FAM167A: variants seen among roughly 807,000 people sequenced by gnomAD.
FAM167A encodes family with sequence similarity 167 member A, also known as protein FAM167A.
A neutral mutation model predicts 14.9 loss-of-function variants in FAM167A; 23 were observed. That is an observed-to-expected ratio of 1.55 (90% confidence interval 1.11 to 2.19). The LOEUF is 2.19. Ranked by LOEUF, FAM167A falls within the 30% of genes most tolerant of loss-of-function variation. FAM167A has a pLI of 0.00. For synonymous variants in FAM167A, 174 were observed against 117.7 expected (o/e 1.48, Z -3.10); for missense variants, 401 against 281.5 (o/e 1.42, Z -3.04).
chr8:11,440,742 T>C (rs981063973), intron 2 of FAM167A, among the ~76,000 whole-genome samples: 2 of 152,200 alleles, frequency 1.3e-5, no homozygotes, highest in African/African-American at 2.4e-5. Flanking sequence ...AACAACACAT[T>C]TGCACTTGAG....
At chr8:11,452,870 C>G (rs1455661092) in intron 1 of FAM167A, among the ~76,000 whole-genome samples, 1 of 152,228 alleles carries the variant, frequency 6.6e-6, no homozygotes, top group African/African-American at 2.4e-5. Context: ...CACCGAGCAT[C>G]AGCACACACA....
At chr8:11,471,815 A>T (rs1807970707), upstream of FAM167A, among the ~76,000 whole-genome samples, 1 of 152,108 alleles carries the variant, frequency 6.6e-6, no homozygotes. Flanking sequence ...GGCCACGTTC[A>T]GGCCTGTGTG....
chr8:11,438,173 C>G (rs766272271), intron 2 of FAM167A: 15 of 455,260 alleles, frequency 3.3e-5, no homozygotes, highest in Non-Finnish European at 5.7e-5. Context: ...TTCCGCCTGC[C>G]TCTCTCAGCC....
intron 1 of FAM167A, among the ~76,000 whole-genome samples, chr8:11,474,251 A>G (rs1489007033): frequency 1.3e-5 from 2 of 152,220 alleles, no homozygotes; most frequent in Non-Finnish European, 2.9e-5. Flanking sequence ...GCTTTCACTC[A>G]TTCTGGTACC....
chr8:11,432,302 A>G (rs576784762), intron 2 of FAM167A, among the ~76,000 whole-genome samples: 1 of 152,356 alleles, frequency 6.6e-6, no homozygotes, highest in Admixed American at 6.5e-5. Flanking sequence ...AGAATGGGAG[A>G]AAATTTTTGC....
At chr8:11,456,986 A>AT (rs1807345784) in intron 1 of FAM167A, among the ~76,000 whole-genome samples, 1 of 11,156 alleles carries the variant, frequency 9.0e-5, no homozygotes, top group African/African-American at 3.1e-4. Context: ...TTAGGGATGT[A>AT]GGTGGGGCTG....
intron 1 of FAM167A, among the ~76,000 whole-genome samples, chr8:11,461,609 G>C (rs1056187006): frequency 2.0e-5 from 3 of 152,246 alleles, no homozygotes; most frequent in African/African-American, 4.8e-5. Context: ...CTAAGGACAC[G>C]GGGGATGTGT....
intron 2 of FAM167A, chr8:11,438,452 G>C (rs1022457554): frequency 2.2e-6 from 1 of 457,314 alleles, no homozygotes; most frequent in Admixed American, 2.3e-5. Context: ...CTATGCTACA[G>C]AAGTACAAGG....
chr8:11,450,453 G>A (rs532043696), intron 1 of FAM167A, among the ~76,000 whole-genome samples: 4 of 152,126 alleles, frequency 2.6e-5, no homozygotes, highest in Non-Finnish European at 5.9e-5. Flanking sequence ...AGACAGGTTC[G>A]GGACCTTGCC....
intron 1 of FAM167A, among the ~76,000 whole-genome samples, chr8:11,450,601 C>T (rs1249873881): frequency 6.6e-6 from 1 of 152,220 alleles, no homozygotes; most frequent in African/African-American, 2.4e-5. Flanking sequence ...CAATGGTCGC[C>T]TCTAGCAGAC....
chr8:11,427,345 G>GT (rs1805246555), intron 2 of FAM167A, among the ~76,000 whole-genome samples: 1 of 152,194 alleles, frequency 6.6e-6, no homozygotes, highest in Non-Finnish European at 1.5e-5. Context: ...AGTGCAGAGC[G>GT]CCTTCTGTAA....
chr8:11,423,061 T>G lies in FAM167A; in HGVS notation c.*1312A>C, dbSNP rs138077916. 6.5e-6 allele frequency: 1 copy of G among 152,764 alleles called. No individual in the cohort carries two copies. The highest frequency in any genetic ancestry group is 2.4e-5 in the African/African-American group (1 of 41,576). 9.5% of individuals were successfully genotyped at this position (152,764 alleles called of 1,614,324 possible). ...TTTCACACATCAATATTCTATAGCC[T>G]AAACAGCTGTGCAACCTGAGGGAAG... is the stretch of plus-strand genomic sequence containing the variant. On this transcript the variant is annotated 3_prime_UTR_variant, in exon 3 of 3. Transcript: ENST00000284486.
chr8:11,470,556 A>G (rs1807928709), upstream of FAM167A, among the ~76,000 whole-genome samples: 1 of 152,198 alleles, frequency 6.6e-6, no homozygotes, highest in Non-Finnish European at 1.5e-5. Context: ...AGCTGGAACC[A>G]GACTCTGCTC....
chr8:11,456,039 TGA>T (rs1807262166), intron 1 of FAM167A, among the ~76,000 whole-genome samples: 1 of 105,676 alleles, frequency 9.5e-6, no homozygotes. Context: ...GGTATGAGTG[TGA>T]GTGTGGGGTG....
At chr8:11,441,936 G>C (rs7823274) in intron 2 of FAM167A, among the ~76,000 whole-genome samples, 22,971 of 152,236 alleles carry the variant, frequency 0.15, 1,946 homozygotes, top group Middle Eastern at 0.31. Flanking sequence ...TAGAAGAGGT[G>C]AGTAATGCCT....
rs867254359 is a variant in FAM167A at position 11,451,647 on chromosome 8, G to A, written c.-397-6839C>T. 3.9e-5 allele frequency among the ~76,000 whole-genome samples: 6 copies of A among 152,334 alleles called. 1 individual carries two copies. The South Asian group carries it at 1.2e-3, about 32-fold the overall frequency. On this transcript the variant is annotated intron_variant, in intron 1 of 2. Transcript: ENST00000284486. Reference sequence around the variant, plus strand: ...TCCCAGCTCATGCCCTGGTGACCAGGTGTGAGCATGTGACCTGAGCTTGGC... The same window carrying A: ...TCCCAGCTCATGCCCTGGTGACCAGATGTGAGCATGTGACCTGAGCTTGGC...
chr8:11,454,787 T>C (rs955990907), intron 1 of FAM167A, among the ~76,000 whole-genome samples: 2 of 152,092 alleles, frequency 1.3e-5, no homozygotes, highest in Admixed American at 1.3e-4. Flanking sequence ...CCAACACTTA[T>C]CTCACCCAGA....
intron 2 of FAM167A, among the ~76,000 whole-genome samples, chr8:11,435,281 C>G (rs1805929988): frequency 6.6e-6 from 1 of 152,302 alleles, no homozygotes; most frequent in African/African-American, 2.4e-5. Flanking sequence ...GGGATGACAG[C>G]CCCATGGGCG....
At chr8:11,430,572 G>A (rs1047036787) in intron 2 of FAM167A, among the ~76,000 whole-genome samples, 43 of 152,324 alleles carry the variant, frequency 2.8e-4, no homozygotes, top group African/African-American at 9.1e-4. Context: ...TCTCAATGAA[G>A]TCATTTTGAA....
Sources: gnomAD v4.1 joint callset for allele counts (sites outside exome capture counted in the v4.1 genomes callset) on GRCh38, gnomAD v4.1.1 for gene constraint, MANE v1.5 for transcripts, NCBI Gene and HGNC (gene_info 2026-07-23, HGNC 2026-07-21) for gene names.